Variants in DSTYK observed in about 807,000 individuals in gnomAD.
DSTYK encodes the protein dual serine/threonine and tyrosine protein kinase, also known as RIP-homologous kinase.
In DSTYK, 34 loss-of-function variants were observed where a neutral mutation model predicts 98.7. That is an observed-to-expected ratio of 0.34 (90% confidence interval 0.26 to 0.46). The LOEUF (loss-of-function observed/expected upper bound fraction) is 0.46, where lower values mean the gene tolerates loss of function less well. DSTYK is among the 20% of genes least tolerant of loss of function. The probability of loss-of-function intolerance (pLI) is 1.00; values close to 1 mark genes in which losing one functional copy is unlikely to be tolerated. For missense variants in DSTYK, 962 were observed against 1,181.7 expected (o/e 0.81, Z 2.73); for synonymous variants, 462 against 457.3 (o/e 1.01, Z -0.13).
At position 205,190,506 on chromosome 1, in the gene DSTYK, C is replaced by T. The variant is rs185674158; in HGVS notation, c.266-2700G>A. ...CTGGGCGTGGTGGTAATCCCAGCTACTCGGGAGACTGAGGCAGGAGAATCG... is the reference window on the plus strand; with the variant it reads ...CTGGGCGTGGTGGTAATCCCAGCTATTCGGGAGACTGAGGCAGGAGAATCG... On this transcript the variant is annotated intron_variant, in intron 1 of 12. Transcript: ENST00000367162. Among the ~76,000 whole-genome samples the T allele has an allele frequency of 1.0e-3, 155 of 151,274 alleles. 2 individuals carry two copies. Among genetic ancestry groups the T allele is most frequent in the African/African-American group, 3.4e-3 (142 of 41,174 alleles).
Position 205,187,301 on chromosome 1 carries a change from A to T in DSTYK, c.654+117T>A, listed in dbSNP as rs534677425. On this transcript the variant is annotated intron_variant, in intron 2 of 12. Coordinates refer to ENST00000367162, the MANE Select transcript of DSTYK (RefSeq NM_015375.3). ...CAGATTATGTTCCTCTGACTCCACT[A>T]GCCACTGCTGCTCAGAGTTCAGACT... The T allele has an allele frequency of 4.3e-5, 51 of 1,188,912 alleles. No individual in the cohort carries two copies. The African/African-American group carries it at 6.0e-4, about 14-fold the overall frequency. The allele number at this position is 1,188,912 out of a possible 1,614,324, so 73.6% of individuals were successfully genotyped here.
chr1:205,154,627 G>A (rs909776292), intron 10 of DSTYK, among the ~76,000 whole-genome samples: 2 of 152,192 alleles, frequency 1.3e-5, no homozygotes, highest in Non-Finnish European at 2.9e-5. Flanking sequence ...TGTACCAAGA[G>A]TAGGCTGCTG....
rs370366077 is a variant in DSTYK, at chr1:205,162,974, C to G, written c.1590G>C (p.Thr530=). ...TTGTAACTGACGACCCTGAGTGAAA[C>G]GTGACTTCAACATGATAGGCAGCAT... is the stretch of plus-strand genomic sequence containing the variant. ...ILNAAYHVEV[T]FHSGSSVTRM... is the part of the protein sequence containing the mutation. Residue 530 remains threonine, a synonymous_variant, in exon 5 of 13, where the codon ACG becomes ACC. Coordinates refer to ENST00000367162, the MANE Select transcript of DSTYK (RefSeq NM_015375.3). 7.2e-5 allele frequency: 116 copies of G among 1,613,970 alleles called. No homozygotes were observed. The highest frequency in any genetic ancestry group is 9.6e-5 in the Non-Finnish European group (113 of 1,180,006).
chr1:205,182,346 T>C (rs1388727839), intron 2 of DSTYK, among the ~76,000 whole-genome samples: 1 of 151,546 alleles, frequency 6.6e-6, no homozygotes, highest in East Asian at 1.9e-4. Flanking sequence ...GCCAAGATCG[T>C]ACCACTGTAC....
intron 1 of DSTYK, among the ~76,000 whole-genome samples, chr1:205,203,094 G>A (rs962913308): frequency 1.3e-5 from 2 of 152,136 alleles, no homozygotes; most frequent in African/African-American, 4.8e-5. Flanking sequence ...TACTTGCAAG[G>A]CTGAAGAACT....
chr1:205,163,516 G>T (rs1657797040), intron 4 of DSTYK, among the ~76,000 whole-genome samples: 1 of 152,136 alleles, frequency 6.6e-6, no homozygotes, highest in Admixed American at 6.5e-5. Context: ...ACTGTGCCTG[G>T]CCTATATTCA....
At chr1:205,148,432 C>G in intron 11 of DSTYK, 93 bp from the exon 12 acceptor site, 5 of 1,510,658 alleles carry the variant, frequency 3.3e-6, no homozygotes, top group Non-Finnish European at 4.5e-6. Context: ...TGGCTTTTTC[C>G]AAAGCTTTTA....
At position 205,150,820 on chromosome 1, in the gene DSTYK, A is replaced by G; in HGVS notation, c.2353-26T>C. On this transcript the variant is annotated intron_variant, in intron 10 of 12. Coordinates refer to ENST00000367162, the MANE Select transcript of DSTYK (RefSeq NM_015375.3). The surrounding 1 kb of genome is among the most constrained non-coding windows in gnomAD (Gnocchi z 4.1). ...CTGCCAACAAAGCAGGGCAAGAGTC[A>G]CCTTGTTTCTGATCCTGCACACAGC... 6.3e-7 allele frequency: 1 copy of G among 1,592,148 alleles called. No homozygotes were observed. Among genetic ancestry groups the G allele is most frequent in the Non-Finnish European group, 8.6e-7 (1 of 1,160,224 alleles).
chr1:205,168,596 A>G (rs1553362694), intron 3 of DSTYK, among the ~76,000 whole-genome samples: 1 of 152,236 alleles, frequency 6.6e-6, no homozygotes, highest in Non-Finnish European at 1.5e-5. Context: ...TACAGAAGTC[A>G]GTATACAAAA....
intron 5 of DSTYK, 96 bp from the exon 6 acceptor site, chr1:205,162,308 A>C: frequency 7.0e-7 from 1 of 1,427,146 alleles, no homozygotes; most frequent in Non-Finnish European, 9.5e-7. Flanking sequence ...CCCATTCATT[A>C]AGAGCAGGCT....
chr1:205,211,337 GGGA>G lies in DSTYK; in HGVS notation c.196_198del (p.Ser66del). 2.5e-6 allele frequency: 4 copies of G among 1,611,804 alleles called. No individual in the cohort carries two copies. The highest frequency in any genetic ancestry group is 3.4e-6 in the Non-Finnish European group (4 of 1,179,172). ...CGCTCGGCCCCGCCGCCGCCCGTGA[GGGA>G]GGAGAGACAAGTGTGGTTGTGGGAG... On this transcript the variant is annotated inframe_deletion, in exon 1 of 13. Transcript: ENST00000367162.
At chr1:205,176,325 A>T (rs1321575604) in intron 2 of DSTYK, among the ~76,000 whole-genome samples, 2 of 151,970 alleles carry the variant, frequency 1.3e-5, no homozygotes, top group Non-Finnish European at 2.9e-5. Flanking sequence ...TGAAAACACA[A>T]AATTAGCCGG....
chr1:205,148,849 G>A (rs1018261407), intron 11 of DSTYK, among the ~76,000 whole-genome samples: 3 of 151,000 alleles, frequency 2.0e-5, no homozygotes, highest in Admixed American at 1.3e-4. Flanking sequence ...AACAATAAAA[G>A]AAATTTAAGT....
chr1:205,161,057 A>G (rs2102399598), intron 7 of DSTYK, among the ~76,000 whole-genome samples: 1 of 152,264 alleles, frequency 6.6e-6, no homozygotes, highest in East Asian at 1.9e-4. Flanking sequence ...TACAGGTGTG[A>G]GCCACCACAC....
intron 2 of DSTYK, among the ~76,000 whole-genome samples, chr1:205,175,340 C>T (rs1658198362): frequency 6.6e-6 from 1 of 152,104 alleles, no homozygotes; most frequent in African/African-American, 2.4e-5. Context: ...GATCCGCCTG[C>T]CTCAGCCTCC....
intron 5 of DSTYK, 109 bp downstream of exon 5, chr1:205,162,814 C>A: frequency 1.2e-6 from 1 of 837,500 alleles, no homozygotes; most frequent in South Asian, 1.5e-5. Context: ...AACAAATGGT[C>A]ACCCTGCCTT....
rs1233518908 is a variant in DSTYK, at chr1:205,162,042, C to T, written c.1812G>A (p.Leu604=). 6.2e-7 allele frequency: 1 copy of T among 1,613,366 alleles called. No individual in the cohort carries two copies. The highest frequency in any genetic ancestry group is 1.1e-5 in the South Asian group (1 of 91,018). The change falls in exon 6 of 13, where the codon TTG becomes TTA. Residue 604 remains leucine, a synonymous_variant. Transcript: ENST00000367162. ...TCCTTTCCTACATACCAACCTGCCG[C>T]AAGGAGGCTGCAAAAGCCTCGTGGG... ...NSSHEAFAAS[L]RQLEAGHSGR...
At chr1:205,171,585 G>T (rs1658066404) in intron 2 of DSTYK, among the ~76,000 whole-genome samples, 1 of 151,690 alleles carries the variant, frequency 6.6e-6, no homozygotes, top group African/African-American at 2.4e-5. Flanking sequence ...AAACACACAA[G>T]AGCATATGTC....
intron 4 of DSTYK, 132 bp downstream of exon 4, chr1:205,163,591 A>G: frequency 1.2e-6 from 1 of 805,150 alleles, no homozygotes; most frequent in Non-Finnish European, 2.0e-6. Context: ...GTGACAGGAA[A>G]ACAAAATAAA....
Sources: allele counts gnomAD v4.1 joint callset (sites outside exome capture counted in the v4.1 genomes callset), GRCh38; gene constraint gnomAD v4.1.1; non-coding constraint Gnocchi (gnomAD v3.1); transcripts MANE v1.5; gene names NCBI Gene and HGNC (gene_info 2026-07-23, HGNC 2026-07-21).